ME1: variants seen among roughly 807,000 people sequenced by gnomAD.
The protein encoded by ME1 is malic enzyme 1.
In ME1, 74 loss-of-function variants were observed where a neutral mutation model predicts 66.4. The observed-to-expected ratio is 1.11, with a 90% CI of 0.92 to 1.35. ME1 has a LOEUF of 1.35. Ranked by LOEUF, ME1 falls within the 40% of genes most tolerant of loss-of-function variation. The pLI is 0.00. For missense variants in ME1, 750 were observed against 694.1 expected (o/e 1.08, Z -0.90); for synonymous variants, 251 against 235.6 (o/e 1.07, Z -0.60).
At chr6:83,213,011 A>G (rs1789923612) in intron 13 of ME1, among the ~76,000 whole-genome samples, 1 of 150,660 alleles carries the variant, frequency 6.6e-6, no homozygotes, top group African/African-American at 2.4e-5. Flanking sequence ...TAATCACTTC[A>G]TATATACTAT....
intron 5 of ME1, among the ~76,000 whole-genome samples, chr6:83,319,161 G>C (rs1294267575): frequency 6.7e-6 from 1 of 149,536 alleles, no homozygotes; most frequent in African/African-American, 2.5e-5. Context: ...TGTGGGGTCA[G>C]GGGAGGGGGG....
intron 1 of ME1, among the ~76,000 whole-genome samples, chr6:83,429,810 T>C (rs1770447542): frequency 6.6e-6 from 1 of 152,170 alleles, no homozygotes; most frequent in Non-Finnish European, 1.5e-5. Flanking sequence ...TGAGCTTCTG[T>C]TCTTAATGTG....
At chr6:83,293,037 G>A (rs528195242) in intron 6 of ME1, among the ~76,000 whole-genome samples, 3 of 152,258 alleles carry the variant, frequency 2.0e-5, no homozygotes, top group African/African-American at 4.8e-5. Context: ...CACTCCTCCA[G>A]GTACAGTGAC....
At chr6:83,425,497 C>T (rs1010739711) in intron 1 of ME1, among the ~76,000 whole-genome samples, 6 of 152,036 alleles carry the variant, frequency 3.9e-5, no homozygotes, top group Non-Finnish European at 8.8e-5. Context: ...CTTCACATGG[C>T]GGCAGGAAAA....
At chr6:83,301,720 G>A (rs544761752) in intron 6 of ME1, among the ~76,000 whole-genome samples, 2 of 152,268 alleles carry the variant, frequency 1.3e-5, no homozygotes, top group Admixed American at 1.3e-4. Context: ...GATCATTAGA[G>A]AAATGTAAGT....
At chr6:83,230,266 T>A (rs1052656102) in intron 9 of ME1, among the ~76,000 whole-genome samples, 1 of 152,014 alleles carries the variant, frequency 6.6e-6, no homozygotes, top group Middle Eastern at 3.4e-3. Context: ...AACCTCCGCC[T>A]CCCGGGTTAA....
At chr6:83,429,095 G>A (rs1224183145) in intron 1 of ME1, among the ~76,000 whole-genome samples, 3 of 152,030 alleles carry the variant, frequency 2.0e-5, no homozygotes, top group Non-Finnish European at 2.9e-5. Context: ...AACCCAGTCT[G>A]TACTAAAAGT....
intron 9 of ME1, among the ~76,000 whole-genome samples, chr6:83,234,835 T>C (rs1303194544): frequency 2.6e-5 from 4 of 152,164 alleles, no homozygotes; most frequent in African/African-American, 9.7e-5. Context: ...CTGCTTCCTT[T>C]CTAATATAAT....
chr6:83,327,294 TAA>T (rs1485061757), intron 5 of ME1, among the ~76,000 whole-genome samples: 2 of 152,198 alleles, frequency 1.3e-5, no homozygotes, highest in African/African-American at 4.8e-5. Flanking sequence ...GTTCAGGGAA[TAA>T]GAGAGATAAC....
intron 5 of ME1, among the ~76,000 whole-genome samples, chr6:83,327,938 T>C (rs1768333525): frequency 6.6e-6 from 1 of 152,074 alleles, no homozygotes; most frequent in Non-Finnish European, 1.5e-5. Context: ...CTTAGGAAAA[T>C]AGAAAAGAAC....
In ME1 at chr6:83,223,286, G is replaced by C. The variant is rs193176979; in HGVS notation, c.1449+474C>G. The stretch of plus-strand genomic sequence containing the variant: ...CTCCTGCCTCAGCCTCTTGAGTCAG[G>C]GGGGATCACAGGCACACACCACCAT... On this transcript the variant is annotated intron_variant, in intron 12 of 13. Transcript: ENST00000369705. Among the ~76,000 whole-genome samples the C allele has an allele frequency of 2.5e-3, 382 of 152,076 alleles. 1 individual carries two copies. The highest frequency in any genetic ancestry group is 8.5e-3 in the African/African-American group (351 of 41,500).
chr6:83,325,028 G>A (rs1768260818), intron 5 of ME1, among the ~76,000 whole-genome samples: 1 of 152,122 alleles, frequency 6.6e-6, no homozygotes, highest in African/African-American at 2.4e-5. Context: ...GATCAAGTGG[G>A]CTTCATCCCT....
intron 3 of ME1, among the ~76,000 whole-genome samples, chr6:83,371,426 T>A (rs1769191405): frequency 6.6e-6 from 1 of 152,184 alleles, no homozygotes; most frequent in South Asian, 2.1e-4. Context: ...TTTGGAAAAC[T>A]GACAGAGACT....
chr6:83,402,786 C>G (rs1769861730), intron 2 of ME1, among the ~76,000 whole-genome samples: 8 of 152,136 alleles, frequency 5.3e-5, no homozygotes, highest in Admixed American at 5.2e-4. Flanking sequence ...TAAAGAACCA[C>G]AATCAGCTGA....
intron 6 of ME1, among the ~76,000 whole-genome samples, chr6:83,290,530 G>T (rs1767481660): frequency 6.6e-6 from 1 of 152,102 alleles, no homozygotes; most frequent in South Asian, 2.1e-4. Context: ...TATTTGCTGA[G>T]TGTTTTACTT....
chr6:83,294,996 C>T (rs931219847), intron 6 of ME1, among the ~76,000 whole-genome samples: 11 of 152,194 alleles, frequency 7.2e-5, no homozygotes, highest in African/African-American at 2.7e-4. Context: ...GCAGCCAGCA[C>T]TCAAATAGGA....
chr6:83,393,056 GA>G, intron 3 of ME1: 1 of 1,407,030 alleles, frequency 7.1e-7, no homozygotes, highest in African/African-American at 1.4e-5. Flanking sequence ...AGGCTGTGAG[GA>G]AGGTCATCCC....
At chr6:83,379,391 T>C (rs1230484466) in intron 3 of ME1, among the ~76,000 whole-genome samples, 1 of 152,084 alleles carries the variant, frequency 6.6e-6, no homozygotes, top group Non-Finnish European at 1.5e-5. Context: ...TAGTTTAAAT[T>C]ATCACTTAGA....
chr6:83,358,820 G>A (rs181439162), intron 3 of ME1, among the ~76,000 whole-genome samples: 46 of 151,936 alleles, frequency 3.0e-4, no homozygotes, highest in African/African-American at 1.0e-3. Context: ...CGCTACCTGA[G>A]GCAACAGTGA....
Sources: allele counts gnomAD v4.1 joint callset (sites outside exome capture counted in the v4.1 genomes callset), GRCh38; gene constraint gnomAD v4.1.1; transcripts MANE v1.5; gene names NCBI Gene and HGNC (gene_info 2026-07-23, HGNC 2026-07-21).